The following CNST variants were observed in gnomAD, a reference collection of about 807,000 sequenced individuals.
The protein encoded by CNST is consortin, connexin sorting protein.
In CNST, 39 loss-of-function variants were observed where a neutral mutation model predicts 72.4. The observed-to-expected ratio is 0.54, with a 90% CI of 0.42 to 0.70. CNST has a LOEUF of 0.70. Among genes scored for constraint, CNST ranks in the 30% least tolerant of loss-of-function variants. The pLI is 0.00. For synonymous variants in CNST, 332 were observed against 320.1 expected (o/e 1.04, Z -0.40); for missense variants, 871 against 868.5 (o/e 1.00, Z -0.04).
intron 4 of CNST, among the ~76,000 whole-genome samples, chr1:246,633,169 G>A (rs1440210446): frequency 1.3e-5 from 2 of 152,174 alleles, no homozygotes; most frequent in East Asian, 1.9e-4. Flanking sequence ...ACATTACTAG[G>A]CTGGGCGCAG....
At chr1:246,624,843 G>A (rs980751320) in intron 3 of CNST, among the ~76,000 whole-genome samples, 1 of 152,086 alleles carries the variant, frequency 6.6e-6, no homozygotes, top group South Asian at 2.1e-4. Context: ...TAGTAGAGAT[G>A]GGGTTTCACC....
At chr1:246,610,425 A>G (rs549875888) in intron 2 of CNST, among the ~76,000 whole-genome samples, 1 of 152,170 alleles carries the variant, frequency 6.6e-6, no homozygotes, top group African/African-American at 2.4e-5. Context: ...GTTGATTTAA[A>G]TTCTTTGCCC....
At chr1:246,586,113 G>A (rs201810007) in intron 1 of CNST, among the ~76,000 whole-genome samples, 50 of 68,446 alleles carry the variant, frequency 7.3e-4, no homozygotes, top group African/African-American at 1.8e-3. Flanking sequence ...ATATATATAT[G>A]TGTGTGTGTG....
At chr1:246,623,296 G>A (rs9426250) in intron 3 of CNST, among the ~76,000 whole-genome samples, 71,373 of 152,128 alleles carry the variant, frequency 0.47, 17,657 homozygotes, top group Non-Finnish European at 0.54. Context: ...TGAGGCTGAA[G>A]CAAATTTGAC....
chr1:246,662,786 C>CT (rs546982025), intron 10 of CNST, among the ~76,000 whole-genome samples: 205 of 152,234 alleles, frequency 1.3e-3, no homozygotes, highest in African/African-American at 4.6e-3. Flanking sequence ...ATTTTACATC[C>CT]TTTTTTTCAC....
At chr1:246,636,631 T>C (rs557577740) in intron 6 of CNST, among the ~76,000 whole-genome samples, 4 of 152,366 alleles carry the variant, frequency 2.6e-5, no homozygotes, top group African/African-American at 9.6e-5. Flanking sequence ...CCATTCTCTC[T>C]TTCTGTCTTC....
chr1:246,572,792 A>C (rs1660144611), intron 1 of CNST, among the ~76,000 whole-genome samples: 1 of 152,154 alleles, frequency 6.6e-6, no homozygotes, highest in Non-Finnish European at 1.5e-5. Context: ...TGAACTCCTG[A>C]GCTCGAGCAG....
At chr1:246,628,564 C>T (rs538926500) in intron 3 of CNST, among the ~76,000 whole-genome samples, 1 of 152,256 alleles carries the variant, frequency 6.6e-6, no homozygotes, top group South Asian at 2.1e-4. Flanking sequence ...TTTACACTGA[C>T]TTAGTTAATA....
intron 1 of CNST, among the ~76,000 whole-genome samples, chr1:246,581,193 C>T (rs1242904939): frequency 1.3e-5 from 2 of 152,190 alleles, no homozygotes; most frequent in Non-Finnish European, 2.9e-5. Context: ...TAACCATTCC[C>T]ATACATGGAT....
rs765084232 is a variant in CNST, at chr1:246,647,618, A to G, written c.1417A>G (p.Thr473Ala). The change falls in exon 9 of 11, where the codon ACA becomes GCA. Residue 473 changes from threonine to alanine, a missense_variant. By Grantham distance (58) the Thr-to-Ala change is moderately conservative. Transcript: ENST00000366513. ...PLRDASEALP[T>A]DQLENNELNE... ...TCGGGATGCTTCTGAGGCGTTGCCC[A>G]CAGACCAACTTGAGAACAATGAATT... 5.6e-6 allele frequency: 9 copies of G among 1,614,242 alleles called. No homozygotes were observed. Among genetic ancestry groups the G allele is most frequent in the Non-Finnish European group, 7.6e-6 (9 of 1,180,044 alleles).
intron 3 of CNST, among the ~76,000 whole-genome samples, chr1:246,630,060 A>C (rs1364110819): frequency 1.3e-5 from 2 of 152,176 alleles, no homozygotes; most frequent in African/African-American, 4.8e-5. Flanking sequence ...CATTGATTTC[A>C]ATTAGGTGTA....
At chr1:246,637,254 A>G (rs1375357961) in intron 6 of CNST, among the ~76,000 whole-genome samples, 3 of 152,202 alleles carry the variant, frequency 2.0e-5, no homozygotes, top group Non-Finnish European at 2.9e-5. Context: ...GTTAGTGTGC[A>G]TGCTGAGTAT....
intron 1 of CNST, among the ~76,000 whole-genome samples, chr1:246,573,977 TG>T (rs1338266316): frequency 6.6e-6 from 1 of 152,216 alleles, no homozygotes; most frequent in East Asian, 1.9e-4. Flanking sequence ...CTCGAAGTGG[TG>T]GGGGGTAGAA....
At chr1:246,632,339 C>A in intron 4 of CNST, 1 of 281,792 alleles carries the variant, frequency 3.5e-6, no homozygotes, top group South Asian at 4.7e-5. Flanking sequence ...GACATTGCCG[C>A]CCCCGTGATG....
intron 6 of CNST, among the ~76,000 whole-genome samples, chr1:246,639,945 C>T (rs1475687626): frequency 6.6e-6 from 1 of 152,194 alleles, no homozygotes; most frequent in African/African-American, 2.4e-5. Flanking sequence ...TCTCCATCCT[C>T]AGGGATACGT....
Position 246,666,354 on chromosome 1 carries a change from A to G in CNST, c.*449A>G, listed in dbSNP as rs1667389540. The G allele has an allele frequency of 6.4e-6, 1 of 155,254 alleles. No homozygotes were observed. Among genetic ancestry groups the G allele is most frequent in the Non-Finnish European group, 1.4e-5 (1 of 69,890 alleles). The allele number at this position is 155,254 out of a possible 1,614,324, so 9.6% of individuals were successfully genotyped here. On this transcript the variant is annotated 3_prime_UTR_variant, in exon 11 of 11. Coordinates refer to ENST00000366513, the MANE Select transcript of CNST (RefSeq NM_152609.3). ...GGAGTTACCTTATGGTTTCAGTGTC[A>G]TTCTTTAGTTAACTTGGGAGCTGTG...
At chr1:246,638,159 T>C (rs1362131618) in intron 6 of CNST, among the ~76,000 whole-genome samples, 1 of 152,110 alleles carries the variant, frequency 6.6e-6, no homozygotes, top group African/African-American at 2.4e-5. Flanking sequence ...GGATAGGCAT[T>C]GTTTGAGCAT....
chr1:246,638,509 A>G (rs1441303725), intron 6 of CNST, among the ~76,000 whole-genome samples: 3 of 152,216 alleles, frequency 2.0e-5, no homozygotes, highest in Non-Finnish European at 4.4e-5. Flanking sequence ...CCAGATGGAC[A>G]AGTGTGAGTG....
At chr1:246,610,276 G>A (rs745493715) in intron 2 of CNST, among the ~76,000 whole-genome samples, 8 of 151,762 alleles carry the variant, frequency 5.3e-5, no homozygotes, top group African/African-American at 1.2e-4. Context: ...GCGAGACTCC[G>A]TCGCAAAAAC....
Sources: gnomAD v4.1 joint callset for allele counts (sites outside exome capture counted in the v4.1 genomes callset) on GRCh38, gnomAD v4.1.1 for gene constraint, MANE v1.5 for transcripts, NCBI Gene and HGNC (gene_info 2026-07-23, HGNC 2026-07-21) for gene names.